The following LDB1 variants were observed in gnomAD, a reference collection of about 807,000 sequenced individuals.
The protein encoded by LDB1 is LIM domain binding 1, also known as LIM domain-binding protein 1.
LDB1 carries 6 observed loss-of-function variants against 49.7 expected under a neutral mutation model. The observed-to-expected ratio is 0.12, with a 90% confidence interval of 0.07 to 0.24. The LOEUF (loss-of-function observed/expected upper bound fraction) is 0.24. Ranked by LOEUF, LDB1 falls within the 10% of genes least tolerant of loss-of-function variation. LDB1 has a pLI of 1.00. For missense variants in LDB1, 341 were observed against 561.7 expected, an observed-to-expected ratio of 0.61 and a Z score of 3.97; for synonymous variants, 233 against 202.0, an observed-to-expected ratio of 1.15 and a Z score of -1.30.
upstream of LDB1, among the ~76,000 whole-genome samples, chr10:102,120,650 G>A (rs1054592314): frequency 2.6e-5 from 4 of 152,314 alleles, no homozygotes; most frequent in African/African-American, 9.6e-5. Context: ...TCGGGGAACG[G>A]CATGCATGTG....
At chr10:102,112,698 A>T (rs888942189) in intron 1 of LDB1, among the ~76,000 whole-genome samples, 5 of 151,956 alleles carry the variant, frequency 3.3e-5, no homozygotes, top group Non-Finnish European at 5.9e-5. Flanking sequence ...GGAAGCAGGC[A>T]GATGAGCCTC....
rs1026228657 is a variant in LDB1, at chr10:102,108,963, C to A, written c.1005+66G>T. On this transcript the variant is annotated intron_variant, in intron 10 of 10. Coordinates refer to ENST00000673968, the MANE Select transcript of LDB1 (RefSeq NM_001113407.3). ...TTCTACGCCTGCTAGTGAGCTCAGGCTTGGAAAGGGGTCAGGGGTGAGTGG... is the reference window on the plus strand; with the variant it reads ...TTCTACGCCTGCTAGTGAGCTCAGGATTGGAAAGGGGTCAGGGGTGAGTGG... The A allele has an allele frequency of 3.1e-6, 5 of 1,605,870 alleles. No homozygotes were observed. In the African/African-American group the frequency reaches 4.0e-5, roughly 13 times the overall value.
In LDB1 at chr10:102,120,089, G is replaced by A; in HGVS notation, c.22C>T (p.Pro8Ser). ...AGTGGCCGCACGCCCCACTCACCAG[G>A]ACAGGCACAGCCCACTGACATCTTC... Reference protein sequence around the residue: MSVGCACPGCSSKSFKLY... With the variant: MSVGCACSGCSSKSFKLY... The change falls in exon 1 of 11, where the codon CCT (proline) becomes TCT (serine). Residue 8 changes from proline to serine, a missense_variant. By Grantham distance (74) the Pro-to-Ser change is moderately conservative (BLOSUM62 -1). Transcript: ENST00000673968. 1 of 1,433,770 alleles carries A rather than the reference G, an allele frequency of 7.0e-7. No homozygotes were observed. Among genetic ancestry groups the A allele is most frequent in the South Asian group, 1.4e-5 (1 of 71,448 alleles). The allele number at this position is 1,433,770 out of a possible 1,614,324, so 88.8% of individuals were successfully genotyped here.
At chr10:102,112,646 C>T (rs2068272158) in intron 1 of LDB1, among the ~76,000 whole-genome samples, 1 of 151,346 alleles carries the variant, frequency 6.6e-6, no homozygotes, top group South Asian at 2.1e-4. Flanking sequence ...ACCAGAAACC[C>T]AAAGCCTCAA....
intron 1 of LDB1, chr10:102,114,973 C>CG (rs2068316448): frequency 2.3e-6 from 1 of 429,526 alleles, no homozygotes; most frequent in South Asian, 9.7e-5. Context: ...CCTCCCTCCC[C>CG]GCTCGCTCTC....
upstream of LDB1, among the ~76,000 whole-genome samples, chr10:102,121,143 G>C (rs568596450): frequency 1.3e-5 from 2 of 152,174 alleles, no homozygotes; most frequent in South Asian, 2.1e-4. Flanking sequence ...GTTTTGCTGG[G>C]GGGAGGGGGC....
At chr10:102,102,953 C>T (rs2068130653), downstream of LDB1, among the ~76,000 whole-genome samples, 1 of 152,134 alleles carries the variant, frequency 6.6e-6, no homozygotes, top group African/African-American at 2.4e-5. Context: ...AGGCACAGAA[C>T]TATATGGGCA....
Position 102,108,160 on chromosome 10 carries a change from C to T in LDB1, c.1169G>A (p.Trp390Ter). The change falls in exon 11 of 11, where the codon TGG (tryptophan) becomes TAG (stop). Residue 390 changes from tryptophan to a stop codon, truncating the protein, a stop_gained. Transcript: ENST00000673968. LOFTEE classifies it high-confidence loss of function. ...NSPALGANSPWNSKPPSSQES... is the reference protein window; with the variant it reads ...NSPALGANSP ...TTGGCTGGACGGAGGCTTGCTGTTC[C>T]AGGGGCTGTTGGCGCCCAGTGCAGG... 1 of 1,614,102 alleles carries T rather than the reference C, an allele frequency of 6.2e-7. No individual in the cohort carries two copies. The highest frequency in any genetic ancestry group is 8.5e-7 in the Non-Finnish European group (1 of 1,180,000).
In LDB1 at chr10:102,109,981, C is replaced by T. The variant is rs981583823; in HGVS notation, c.588G>A (p.Thr196=). 7 of 1,612,930 alleles carry T rather than the reference C, an allele frequency of 4.3e-6. No homozygotes were observed. The East Asian group carries it at 6.7e-5, about 15-fold the overall frequency. The part of the protein sequence containing the change: ...FMFDDMMRIK[T]WHFSIRQHRE... ...GGTGCTGCCGGATGCTGAAGTGCCA[C>T]GTCTTTATCCGCATCATGTCGTCAA... Residue 196 remains threonine (T), a synonymous_variant, in exon 7 of 11, where the codon ACG becomes ACA. Transcript: ENST00000673968. The surrounding 1 kb of genome is among the most constrained non-coding windows in gnomAD (Gnocchi z 5.8).
At chr10:102,111,566 G>C in intron 1 of LDB1, 30 bp from the exon 2 acceptor site, 1 of 1,356,764 alleles carries the variant, frequency 7.4e-7, no homozygotes, top group South Asian at 1.4e-5. Context: ...GTCATAGCTG[G>C]GCGCGGTGGC....
At chr10:102,106,333 AAGG>A (rs2068159332), downstream of LDB1, among the ~76,000 whole-genome samples, 1 of 151,888 alleles carries the variant, frequency 6.6e-6, no homozygotes, top group African/African-American at 2.4e-5. Context: ...GTCTTGGGTG[AAGG>A]AGAAGTGTAA....
intron 1 of LDB1, among the ~76,000 whole-genome samples, chr10:102,119,641 C>T (rs375568876): frequency 2.0e-5 from 3 of 151,242 alleles, no homozygotes; most frequent in Admixed American, 6.6e-5. Flanking sequence ...AAACAGGGTC[C>T]TCAGAAACAG....
In LDB1 at chr10:102,107,836, A is replaced by C. The variant is rs2068187097; in HGVS notation, c.*257T>G. The C allele has an allele frequency of 5.4e-6, 3 of 554,582 alleles. No individual in the cohort carries two copies. The East Asian group carries it at 9.2e-5, about 17-fold the overall frequency. 34.4% of individuals were successfully genotyped at this position (554,582 alleles called of 1,614,324 possible). On this transcript the variant is annotated 3_prime_UTR_variant, in exon 11 of 11. Coordinates refer to ENST00000673968, the MANE Select transcript of LDB1 (RefSeq NM_001113407.3). Reference sequence around the variant, plus strand: ...CTGGGGGGTGGTCAGGACATGTCTCAGAGGCCCAGGTTCCAAGTAGGCATC... The same window carrying C: ...CTGGGGGGTGGTCAGGACATGTCTCCGAGGCCCAGGTTCCAAGTAGGCATC...
Position 102,108,415 on chromosome 10 carries a change from G to A in LDB1, c.1006-92C>T, listed in dbSNP as rs532484943. The A allele has an allele frequency of 4.2e-6, 4 of 947,656 alleles. No individual in the cohort carries two copies. In the East Asian group the frequency reaches 7.8e-5, roughly 19 times the overall value. The allele number at this position is 947,656 out of a possible 1,614,324, so 58.7% of individuals were successfully genotyped here. A position where few individuals can be genotyped will look rare whatever the true frequency, so the allele number is the denominator to read the frequency against. The stretch of plus-strand genomic sequence containing the variant: ...CCCCCAGAGCCCCAGTACCCACCCT[G>A]GAAGCTCAAGAGTCCCCACCCCCTC... On this transcript the variant is annotated intron_variant, in intron 10 of 10. Transcript: ENST00000673968.
At chr10:102,110,746 G>C (rs776408210) in intron 5 of LDB1, 45 bp from the exon 6 acceptor site, 44 of 1,598,632 alleles carry the variant, frequency 2.8e-5, no homozygotes, top group Non-Finnish European at 3.8e-5. Flanking sequence ...GACCGCAAAA[G>C]GGGCCAGGCA....
chr10:102,112,563 C>T (rs987891846), intron 1 of LDB1, among the ~76,000 whole-genome samples: 4 of 152,168 alleles, frequency 2.6e-5, no homozygotes, highest in Admixed American at 6.5e-5. Context: ...CCTTCTGCCT[C>T]CCCACTAACG....
chr10:102,120,449 C>T, upstream of LDB1: 1 of 964,946 alleles, frequency 1.0e-6, no homozygotes, highest in Non-Finnish European at 1.2e-6. Context: ...CCCTCTCCGC[C>T]CTCGCGCTCG....
At chr10:102,113,293 C>T (rs1244474769) in intron 1 of LDB1, among the ~76,000 whole-genome samples, 1 of 152,198 alleles carries the variant, frequency 6.6e-6, no homozygotes, top group Non-Finnish European at 1.5e-5. Flanking sequence ...TCCTGCCTAG[C>T]AGGCTTTCAC....
chr10:102,120,382 T>C (rs1590294575), upstream of LDB1: 8 of 983,354 alleles, frequency 8.1e-6, no homozygotes, highest in African/African-American at 7.1e-5. Flanking sequence ...CGTGTGTGCG[T>C]GTGTGCGCGT....
Sources: gnomAD v4.1 joint callset for allele counts (sites outside exome capture counted in the v4.1 genomes callset) on GRCh38, gnomAD v4.1.1 for gene constraint, Gnocchi (gnomAD v3.1) non-coding constraint, MANE v1.5 for transcripts, NCBI Gene and HGNC (gene_info 2026-07-23, HGNC 2026-07-21) for gene names.